The following SPAG16 variants were observed in gnomAD, a reference collection of about 807,000 sequenced individuals.
SPAG16 encodes the protein sperm associated antigen 16.
SPAG16 carries 86 observed loss-of-function variants against 80.4 expected under a neutral mutation model. That is an observed-to-expected ratio of 1.07 (90% confidence interval 0.90 to 1.28). The LOEUF is 1.28. Ranked by LOEUF, SPAG16 falls within the 50% of genes most tolerant of loss-of-function variation. SPAG16 has a pLI of 0.00. For synonymous variants in SPAG16, 294 were observed against 265.9 expected (o/e 1.11, Z -1.03); for missense variants, 870 against 765.3 (o/e 1.14, Z -1.61).
Position 213,501,220 on chromosome 2 carries a change from A to G in SPAG16, c.1070+11130A>G, listed in dbSNP as rs546691727. On this transcript the variant is annotated intron_variant, in intron 10 of 15. Transcript: ENST00000331683. ...GCAGATGCCATTGACAAGTTTTATA[A>G]CTTTCATTTTGTTATGTTAAATTGG... Among the ~76,000 whole-genome samples the G allele has an allele frequency of 3.2e-4, 49 of 152,318 alleles. 2 individuals carry two copies. The South Asian group carries it at 9.5e-3, about 30-fold the overall frequency.
chr2:213,624,671 A>C (rs892440066), intron 10 of SPAG16, among the ~76,000 whole-genome samples: 4 of 152,228 alleles, frequency 2.6e-5, no homozygotes, highest in African/African-American at 9.6e-5. Context: ...ACTTTTGACC[A>C]CAATACCTTG....
At chr2:213,426,723 A>C (rs1035937802) in intron 9 of SPAG16, among the ~76,000 whole-genome samples, 1 of 151,714 alleles carries the variant, frequency 6.6e-6, no homozygotes, top group Admixed American at 6.6e-5. Context: ...TGTTCTTAAA[A>C]GGGTGAACTG....
At chr2:213,697,085 G>T (rs945777875) in intron 10 of SPAG16, among the ~76,000 whole-genome samples, 2 of 152,114 alleles carry the variant, frequency 1.3e-5, no homozygotes. Flanking sequence ...CGTGAGCAGG[G>T]ACACTTCATT....
At chr2:214,175,672 A>G (rs1184415184) in intron 15 of SPAG16, among the ~76,000 whole-genome samples, 1 of 151,620 alleles carries the variant, frequency 6.6e-6, no homozygotes, top group East Asian at 1.9e-4. Flanking sequence ...AACAATATAT[A>G]TGCTTTTAAA....
chr2:214,215,636 T>C (rs1032983892), intron 15 of SPAG16, among the ~76,000 whole-genome samples: 1 of 152,234 alleles, frequency 6.6e-6, no homozygotes, highest in East Asian at 1.9e-4. Flanking sequence ...TGACTGAGTG[T>C]GAACTCTTGT....
chr2:213,694,776 TTTCC>T (rs35547318), intron 10 of SPAG16, among the ~76,000 whole-genome samples: 47,047 of 150,230 alleles, frequency 0.31, 8,706 homozygotes, highest in East Asian at 0.46. Context: ...CTTTTCCTTC[TTTCC>T]TTCCTTCCTT....
At chr2:213,454,295 G>A (rs1264331457) in intron 9 of SPAG16, among the ~76,000 whole-genome samples, 1 of 152,106 alleles carries the variant, frequency 6.6e-6, no homozygotes, top group Non-Finnish European at 1.5e-5. Flanking sequence ...TAAGAAAGCA[G>A]TGTATATTTC....
chr2:213,617,976 A>G (rs1192367354), intron 10 of SPAG16, among the ~76,000 whole-genome samples: 1 of 151,910 alleles, frequency 6.6e-6, no homozygotes, highest in African/African-American at 2.4e-5. Flanking sequence ...TTTCCCCTAC[A>G]CTCACCTCAA....
At chr2:213,848,537 A>G (rs945418147) in intron 10 of SPAG16, among the ~76,000 whole-genome samples, 13 of 152,156 alleles carry the variant, frequency 8.5e-5, no homozygotes, top group African/African-American at 2.9e-4. Flanking sequence ...TGGCCGCCCA[A>G]TCCTTCCCCT....
At chr2:213,491,520 C>A (rs1352166901) in intron 10 of SPAG16, among the ~76,000 whole-genome samples, 3 of 152,146 alleles carry the variant, frequency 2.0e-5, no homozygotes, top group African/African-American at 7.2e-5. Flanking sequence ...GGTTTAGGAC[C>A]AAACTCTTGG....
intron 13 of SPAG16, among the ~76,000 whole-genome samples, chr2:214,073,429 G>T (rs1027512422): frequency 6.6e-6 from 1 of 151,750 alleles, no homozygotes; most frequent in East Asian, 1.9e-4. Context: ...TAGAGACGGG[G>T]TTTCACCATG....
intron 10 of SPAG16, among the ~76,000 whole-genome samples, chr2:213,668,040 G>T (rs919839037): frequency 6.6e-6 from 1 of 151,666 alleles, no homozygotes; most frequent in African/African-American, 2.4e-5. Flanking sequence ...TCCTGAGTTC[G>T]AGCAATTCTC....
chr2:213,333,117 AGT>A (rs1431231043), intron 5 of SPAG16, among the ~76,000 whole-genome samples: 2 of 152,098 alleles, frequency 1.3e-5, no homozygotes, highest in African/African-American at 2.4e-5. Context: ...AAAAACCTAA[AGT>A]ATCCACCAAA....
intron 3 of SPAG16, among the ~76,000 whole-genome samples, chr2:213,308,001 AAG>A (rs1293431560): frequency 6.6e-6 from 1 of 152,186 alleles, no homozygotes; most frequent in East Asian, 1.9e-4. Context: ...CAGCTTGGGA[AAG>A]AGAAGGCGAA....
intron 12 of SPAG16, among the ~76,000 whole-genome samples, chr2:213,950,080 G>T (rs773294653): frequency 3.2e-4 from 48 of 152,192 alleles, no homozygotes; most frequent in Admixed American, 2.4e-3. Context: ...GTTCTACAGT[G>T]TGAGAAGGAG....
intron 8 of SPAG16, among the ~76,000 whole-genome samples, chr2:213,368,656 T>G (rs969641451): frequency 6.6e-6 from 1 of 152,158 alleles, no homozygotes; most frequent in Non-Finnish European, 1.5e-5. Flanking sequence ...GATTGTATAT[T>G]TAGAAAACCC....
At chr2:213,870,437 A>T (rs2075903121) in intron 11 of SPAG16, among the ~76,000 whole-genome samples, 1 of 152,216 alleles carries the variant, frequency 6.6e-6, no homozygotes, top group Non-Finnish European at 1.5e-5. Context: ...TAAATAAATA[A>T]ATTTCAAGGC....
intron 7 of SPAG16, among the ~76,000 whole-genome samples, chr2:213,362,171 A>G (rs1415149541): frequency 1.3e-5 from 2 of 152,242 alleles, no homozygotes; most frequent in African/African-American, 4.8e-5. Context: ...TAGGAATCCA[A>G]CCTGAAAGAG....
At chr2:214,069,162 T>A (rs945610177) in intron 13 of SPAG16, among the ~76,000 whole-genome samples, 15 of 152,204 alleles carry the variant, frequency 9.9e-5, no homozygotes, top group African/African-American at 3.6e-4. Flanking sequence ...GAAGGACACT[T>A]AAATCTTTTT....
Sources: allele counts gnomAD v4.1 joint callset (sites outside exome capture counted in the v4.1 genomes callset), GRCh38; gene constraint gnomAD v4.1.1; transcripts MANE v1.5; gene names NCBI Gene and HGNC (gene_info 2026-07-23, HGNC 2026-07-21).